PSG3: variants seen among roughly 807,000 people sequenced by gnomAD.
PSG3 encodes pregnancy-specific beta-1-glycoprotein 3.
Under a neutral mutation model 47.5 loss-of-function variants are expected in PSG3, and 61 were observed. The ratio of observed to expected loss-of-function variants is 1.28; its 90% CI spans 1.05 to 1.59. The LOEUF is 1.59. PSG3 is among the 40% of genes most tolerant of loss of function. PSG3 has a pLI of 0.00. For synonymous variants in PSG3, 263 were observed against 198.4 expected, an observed-to-expected ratio of 1.33 and a Z score of -2.74; for missense variants, 756 against 524.0, an observed-to-expected ratio of 1.44 and a Z score of -4.32.
At position 42,729,372 on chromosome 19, in the gene PSG3, G is replaced by A. The variant is rs767249718; in HGVS notation, c.994C>T (p.Pro332Ser). 15 of 1,612,290 alleles carry A rather than the reference G, an allele frequency of 9.3e-6. No homozygotes were observed. Among genetic ancestry groups the A allele is most frequent in the Non-Finnish European group, 1.3e-5 (15 of 1,178,978 alleles). Reference protein sequence around the residue: ...YPVTLNVLYGPDLPRIYPSFT... With the variant: ...YPVTLNVLYGSDLPRIYPSFT... ...GAAGGGTAAATTCTGGGGAGGTCTG[G>A]ACCATCTGGAGCAAAGAGAATAAAG... is the stretch of plus-strand genomic sequence containing the variant. Residue 332 changes from proline to serine, a missense_variant, in exon 5 of 7, where the codon CCA becomes TCA. Physicochemically the swap from Pro to Ser is moderately conservative, Grantham distance 74. Transcript: ENST00000327495.
chr19:42,729,406 G>A (rs758666799), intron 4 of PSG3, 29 bp from the exon 5 acceptor site: 2 of 1,592,168 alleles, frequency 1.3e-6, no homozygotes, highest in Non-Finnish European at 1.7e-6. Flanking sequence ...AGCCACAGGT[G>A]ATGTCATCCG....
At chr19:42,725,024 G>T (rs1969354252) in intron 5 of PSG3, among the ~76,000 whole-genome samples, 2 of 152,118 alleles carry the variant, frequency 1.3e-5, no homozygotes, top group Non-Finnish European at 2.9e-5. Context: ...TGAAAAGACA[G>T]AAGCTTAGAG....
chr19:42,737,136 G>A (rs996509772), intron 2 of PSG3, among the ~76,000 whole-genome samples: 2 of 152,148 alleles, frequency 1.3e-5, no homozygotes, highest in East Asian at 3.9e-4. Flanking sequence ...CACAGTCCAG[G>A]ACCAAGGAGC....
chr19:42,740,098 G>C (rs983639756), intron 1 of PSG3, among the ~76,000 whole-genome samples: 1 of 151,974 alleles, frequency 6.6e-6, no homozygotes, highest in African/African-American at 2.4e-5. Flanking sequence ...GATTACTGGA[G>C]CACACCACAA....
At chr19:42,725,122 T>C (rs1041104407) in intron 5 of PSG3, among the ~76,000 whole-genome samples, 1 of 152,218 alleles carries the variant, frequency 6.6e-6, no homozygotes, top group East Asian at 1.9e-4. Flanking sequence ...AGGCTAATGA[T>C]GATGGTAGTC....
rs779556897 is a variant in PSG3, at chr19:42,729,162, C to T, written c.1204G>A (p.Gly402Ser). 6.2e-7 allele frequency: 1 copy of T among 1,613,874 alleles called. No homozygotes were observed. Among genetic ancestry groups the T allele is most frequent in the Non-Finnish European group, 8.5e-7 (1 of 1,179,884 alleles). The change falls in exon 5 of 7, where the codon GGC (glycine) becomes AGC (serine). Residue 402 changes from glycine to serine, a missense_variant. By Grantham distance (56) the Gly-to-Ser change is moderately conservative. Coordinates refer to ENST00000327495, the MANE Select transcript of PSG3 (RefSeq NM_021016.4). ...YACSVRNSATGMESSKSMTVK... is the reference protein window; with the variant it reads ...YACSVRNSATSMESSKSMTVK... ...GTCATGGATTTGGAGCTTTCCATGC[C>T]AGTGGCTGAGTTACGAACAGAGCAA...
chr19:42,732,634 G>A (rs1267085281), intron 3 of PSG3, 150 bp downstream of exon 3: 2 of 1,560,530 alleles, frequency 1.3e-6, no homozygotes, highest in East Asian at 4.5e-5. Flanking sequence ...GGCCTACTCT[G>A]GTTTGCCTGG....
chr19:42,739,219 C>T (rs1969624608), intron 1 of PSG3, 130 bp from the exon 2 acceptor site: 6 of 1,327,934 alleles, frequency 4.5e-6, no homozygotes, highest in Middle Eastern at 5.2e-4. Context: ...CATACAAACA[C>T]ACACACACAC....
At position 42,732,536 on chromosome 19, in the gene PSG3, A is replaced by C. The variant is rs1362617196; in HGVS notation, c.709+248T>G. 1.7e-5 allele frequency: 15 copies of C among 899,664 alleles called. No individual in the cohort carries two copies. In the East Asian group the frequency reaches 3.5e-4, roughly 21 times the overall value. The allele number at this position is 899,664 out of a possible 1,614,324, so 55.7% of individuals were successfully genotyped here. On this transcript the variant is annotated intron_variant, in intron 3 of 6. Transcript: ENST00000327495. ...TGTTCACTGATCTGGAGCCTGAGAC[A>C]GTCACCTGTTTTGCCCATCACAAGC...
At chr19:42,724,624 TC>T (rs1969347456) in intron 5 of PSG3, among the ~76,000 whole-genome samples, 1 of 152,152 alleles carries the variant, frequency 6.6e-6, no homozygotes, top group Non-Finnish European at 1.5e-5. Flanking sequence ...TCTTTCTCTT[TC>T]TTTTTCACAG....
intron 2 of PSG3, among the ~76,000 whole-genome samples, chr19:42,737,976 C>G (rs141250528): frequency 0.014 from 2,149 of 152,312 alleles, 54 homozygotes; most frequent in African/African-American, 0.05. Context: ...GAGAAAGCAC[C>G]TTTATGTCAG....
At chr19:42,723,477 G>A (rs1311202375) in intron 6 of PSG3, among the ~76,000 whole-genome samples, 1 of 152,184 alleles carries the variant, frequency 6.6e-6, no homozygotes, top group Non-Finnish European at 1.5e-5. Context: ...ACTTATCAAA[G>A]TGGCTAGAGT....
At chr19:42,733,289 G>C in intron 2 of PSG3, 1 of 987,722 alleles carries the variant, frequency 1.0e-6, no homozygotes, top group Non-Finnish European at 1.4e-6. Flanking sequence ...ACTGTGAATT[G>C]AGCAGCAGCA....
intron 3 of PSG3, 71 bp downstream of exon 3, chr19:42,732,713 G>C (rs915865671): frequency 5.0e-6 from 8 of 1,614,002 alleles, no homozygotes; most frequent in Non-Finnish European, 6.8e-6. Flanking sequence ...GAGAGGGACT[G>C]AGAGGCCTGG....
rs1600381900 is a variant in PSG3 at position 42,729,046 on chromosome 19, G to A, written c.1243+77C>T. On this transcript the variant is annotated intron_variant, in intron 5 of 6. Coordinates refer to ENST00000327495, the MANE Select transcript of PSG3 (RefSeq NM_021016.4). The stretch of plus-strand genomic sequence containing the variant: ...TGGGACACAGGCTGGGAATAAAAAT[G>A]TTTTCCTGACTCTTCTCTGAAAGCC... 9.3e-6 allele frequency: 15 copies of A among 1,610,156 alleles called. No individual in the cohort carries two copies. The South Asian group carries it at 1.1e-4, about 12-fold the overall frequency.
In PSG3 at chr19:42,730,035, A is replaced by G; in HGVS notation, c.731T>C (p.Ile244Thr). 1 of 1,612,636 alleles carries G rather than the reference A, an allele frequency of 6.2e-7. No homozygotes were observed. The highest frequency in any genetic ancestry group is 8.5e-7 in the Non-Finnish European group (1 of 1,179,840). Residue 244 changes from isoleucine (I) to threonine (T), a missense_variant, in exon 4 of 7, where the codon ATC becomes ACC. Coordinates refer to ENST00000327495, the MANE Select transcript of PSG3 (RefSeq NM_021016.4). ...CCTGGGGTTTAAGTTGTTGATGGTG[A>G]TGTAGGGCTTGGGCAGCTTCGCTGT... ...NLLPKLPKPY[I>T]TINNLNPREN...
At chr19:42,738,163 C>T (rs1235289180) in intron 2 of PSG3, among the ~76,000 whole-genome samples, 1 of 152,202 alleles carries the variant, frequency 6.6e-6, no homozygotes, top group East Asian at 1.9e-4. Context: ...TCTGTCCTTG[C>T]CCAGATGAGG....
At chr19:42,723,135 CT>C (rs575971036) in intron 6 of PSG3, among the ~76,000 whole-genome samples, 144 of 152,138 alleles carry the variant, frequency 9.5e-4, no homozygotes, top group Non-Finnish European at 1.7e-3. Context: ...ATTTCTGTAT[CT>C]TTTTTAAACA....
intron 6 of PSG3, among the ~76,000 whole-genome samples, chr19:42,722,552 C>A (rs1969316009): frequency 6.6e-6 from 1 of 152,122 alleles, no homozygotes; most frequent in Non-Finnish European, 1.5e-5. Context: ...TCGCACCCAG[C>A]CTAGAATACT....
Sources: allele counts gnomAD v4.1 joint callset (sites outside exome capture counted in the v4.1 genomes callset), GRCh38; gene constraint gnomAD v4.1.1; transcripts MANE v1.5; gene names NCBI Gene and HGNC (gene_info 2026-07-23, HGNC 2026-07-21).